CSMD1: variants seen among roughly 807,000 people sequenced by gnomAD.
CSMD1 encodes CUB and sushi domain-containing protein 1.
CSMD1 carries 213 observed loss-of-function variants against 417.5 expected under a neutral mutation model. That is an observed-to-expected ratio of 0.51 (90% confidence interval 0.46 to 0.57). The LOEUF (loss-of-function observed/expected upper bound fraction) is 0.57. CSMD1 is among the 20% of genes least tolerant of loss of function. The pLI is 0.00. For missense variants in CSMD1, 6,923 were observed against 4,529.7 expected (o/e 1.53, Z -15.17); for synonymous variants, 2,862 against 1,736.8 (o/e 1.65, Z -16.11).
intron 1 of CSMD1, among the ~76,000 whole-genome samples, chr8:4,821,392 A>G (rs1799515785): frequency 6.6e-6 from 1 of 152,180 alleles, no homozygotes; most frequent in South Asian, 2.1e-4. Context: ...CCCATAAAGC[A>G]AACCTAGATT....
At position 3,370,342 on chromosome 8, in the gene CSMD1, C is replaced by G. The variant is rs559549231; in HGVS notation, c.2783-972G>C. Reference sequence around the variant, plus strand: ...CGGAGGGTAGAGGCAGGAAAGGCAACTGCCGTTCATGCTCTGCAAACAAAC... The same window carrying G: ...CGGAGGGTAGAGGCAGGAAAGGCAAGTGCCGTTCATGCTCTGCAAACAAAC... On this transcript the variant is annotated intron_variant, in intron 18 of 69. Transcript: ENST00000635120. 3.9e-5 allele frequency among the ~76,000 whole-genome samples: 6 copies of G among 152,314 alleles called. 1 individual carries two copies. The Middle Eastern group carries it at 0.01, about 259-fold the overall frequency.
In CSMD1 at chr8:4,455,706, C is replaced by T. The variant is rs1004377428; in HGVS notation, c.303-35641G>A. ...AGCACTTTGGGAGGCCGAAGCGGGT[C>T]GATCACCTGAGGTCAGGAGTTCAAG... On this transcript the variant is annotated intron_variant, in intron 2 of 69. Transcript: ENST00000635120. 5.9e-5 allele frequency among the ~76,000 whole-genome samples: 9 copies of T among 151,596 alleles called. 1 individual carries two copies. In the East Asian group the frequency reaches 1.6e-3, roughly 26 times the overall value.
intron 2 of CSMD1, among the ~76,000 whole-genome samples, chr8:4,446,104 A>G (rs190244627): frequency 2.8e-4 from 43 of 152,306 alleles, no homozygotes; most frequent in Non-Finnish European, 4.1e-4. Context: ...TGTAGACAGC[A>G]AGTTGTGATT....
At chr8:4,458,842 C>A (rs1485019787) in intron 2 of CSMD1, among the ~76,000 whole-genome samples, 1 of 152,136 alleles carries the variant, frequency 6.6e-6, no homozygotes, top group South Asian at 2.1e-4. Context: ...ACTTTCAGAA[C>A]TGAGGCAAGC....
chr8:4,013,453 G>A (rs769069679), intron 4 of CSMD1, among the ~76,000 whole-genome samples: 2 of 152,128 alleles, frequency 1.3e-5, no homozygotes, highest in Non-Finnish European at 2.9e-5. Context: ...TATCAGGGGG[G>A]TTTCCAGGAC....
chr8:4,005,833 G>C (rs948332038), intron 4 of CSMD1, among the ~76,000 whole-genome samples: 2 of 152,190 alleles, frequency 1.3e-5, no homozygotes, highest in Non-Finnish European at 2.9e-5. Flanking sequence ...CGGATTGCTA[G>C]CATAAGCACT....
At chr8:4,342,583 T>C (rs1800542500) in intron 3 of CSMD1, among the ~76,000 whole-genome samples, 1 of 151,950 alleles carries the variant, frequency 6.6e-6, no homozygotes. Flanking sequence ...CACTTCCCCA[T>C]AAGGTTACTG....
chr8:4,448,863 C>G (rs754854770), intron 2 of CSMD1, among the ~76,000 whole-genome samples: 3 of 152,106 alleles, frequency 2.0e-5, no homozygotes, highest in Non-Finnish European at 4.4e-5. Context: ...TGATGTGTAT[C>G]CAATTCTCTT....
At chr8:4,039,209 T>C (rs370050027) in intron 3 of CSMD1, among the ~76,000 whole-genome samples, 8 of 152,168 alleles carry the variant, frequency 5.3e-5, no homozygotes, top group Non-Finnish European at 1.2e-4. Context: ...CCTTAGGGTT[T>C]CTCTCCATTT....
At chr8:4,093,921 T>C (rs529496094) in intron 3 of CSMD1, among the ~76,000 whole-genome samples, 8 of 151,886 alleles carry the variant, frequency 5.3e-5, no homozygotes, top group African/African-American at 1.7e-4. Flanking sequence ...GATTGCGCCA[T>C]TACGCTCCAA....
intron 5 of CSMD1, among the ~76,000 whole-genome samples, chr8:3,834,683 G>A (rs1296806468): frequency 4.6e-5 from 7 of 152,050 alleles, no homozygotes; most frequent in Non-Finnish European, 8.8e-5. Flanking sequence ...TCCACAGAAC[G>A]TGTAGTTGGT....
At chr8:4,051,972 C>A (rs1345887279) in intron 3 of CSMD1, among the ~76,000 whole-genome samples, 5 of 151,528 alleles carry the variant, frequency 3.3e-5, no homozygotes, top group Non-Finnish European at 7.4e-5. Context: ...GTTGCCCAGG[C>A]TGGAGTGCAA....
chr8:4,654,192 G>A (rs1006808762), intron 1 of CSMD1, among the ~76,000 whole-genome samples: 3 of 151,998 alleles, frequency 2.0e-5, no homozygotes, highest in Admixed American at 1.3e-4. Context: ...TACTCTTCTG[G>A]AGTAGTCTGG....
At chr8:4,398,230 C>G (rs1804392211) in intron 3 of CSMD1, among the ~76,000 whole-genome samples, 1 of 152,076 alleles carries the variant, frequency 6.6e-6, no homozygotes. Context: ...TGTGGTGGGC[C>G]TCACTCCAAG....
intron 6 of CSMD1, among the ~76,000 whole-genome samples, chr8:3,731,087 C>A (rs1045817342): frequency 6.6e-6 from 1 of 152,130 alleles, no homozygotes; most frequent in South Asian, 2.1e-4. Context: ...ACTTTCTTCC[C>A]AATCAAGTTT....
chr8:3,307,103 TC>T (rs1804923150), intron 25 of CSMD1, among the ~76,000 whole-genome samples: 1 of 152,206 alleles, frequency 6.6e-6, no homozygotes, highest in Non-Finnish European at 1.5e-5. Context: ...TTGCTTCTCT[TC>T]CTATTAAAAG....
intron 1 of CSMD1, among the ~76,000 whole-genome samples, chr8:4,641,413 T>C (rs1235885076): frequency 6.6e-6 from 1 of 152,162 alleles, no homozygotes; most frequent in African/African-American, 2.4e-5. Context: ...TACCACAACC[T>C]TCCATACACA....
At chr8:4,779,820 G>A (rs916315658) in intron 1 of CSMD1, among the ~76,000 whole-genome samples, 8 of 152,280 alleles carry the variant, frequency 5.3e-5, no homozygotes, top group African/African-American at 1.7e-4. Flanking sequence ...GGGCCTGGAA[G>A]CCTGCTAAGC....
At chr8:4,960,373 T>G (rs1392892906) in intron 1 of CSMD1, among the ~76,000 whole-genome samples, 1 of 152,196 alleles carries the variant, frequency 6.6e-6, no homozygotes, top group Non-Finnish European at 1.5e-5. Flanking sequence ...ACTATGATGA[T>G]GTAAATTTGA....
Sources: gnomAD v4.1 joint callset for allele counts (sites outside exome capture counted in the v4.1 genomes callset) on GRCh38, gnomAD v4.1.1 for gene constraint, MANE v1.5 for transcripts, NCBI Gene and HGNC (gene_info 2026-07-23, HGNC 2026-07-21) for gene names.